The following SLC26A7 variants were observed in gnomAD, a reference collection of about 807,000 sequenced individuals.
SLC26A7 encodes solute carrier family 26 member 7.
SLC26A7 carries 59 observed loss-of-function variants against 82.5 expected under a neutral mutation model. The ratio of observed to expected loss-of-function variants is 0.72; its 90% confidence interval spans 0.58 to 0.89. The LOEUF (loss-of-function observed/expected upper bound fraction) is 0.89. SLC26A7 is among the 40% of genes least tolerant of loss of function. The pLI is 0.00. For synonymous variants in SLC26A7, 271 were observed against 274.3 expected (o/e 0.99, Z 0.12); for missense variants, 820 against 793.0 (o/e 1.03, Z -0.41).
chr8:91,353,235 A>G (rs1813769935), intron 11 of SLC26A7, among the ~76,000 whole-genome samples: 1 of 152,168 alleles, frequency 6.6e-6, no homozygotes, highest in Non-Finnish European at 1.5e-5. Context: ...GAACTTTTAA[A>G]GAAATGCTAA....
chr8:91,333,715 C>T (rs1034840545), intron 5 of SLC26A7, among the ~76,000 whole-genome samples: 1 of 152,112 alleles, frequency 6.6e-6, no homozygotes, highest in South Asian at 2.1e-4. Flanking sequence ...TACTGAGCAA[C>T]GTCTCAATTT....
At position 91,334,356 on chromosome 8, in the gene SLC26A7, T is replaced by C. The variant is rs915578075; in HGVS notation, c.704T>C (p.Leu235Ser). Residue 235 changes from leucine to serine, a missense_variant, in exon 6 of 19, where the codon TTG becomes TCG. Leu to Ser is a moderately radical substitution (Grantham distance 145). Transcript: ENST00000276609. Reference sequence around the variant, plus strand: ...CGACTGGAAGCATTGCTTTTATCCTTGCTGAGCATTGTGGTCCTTGTTCTT... The same window carrying C: ...CGACTGGAAGCATTGCTTTTATCCTCGCTGAGCATTGTGGTCCTTGTTCTT... ...SVRLEALLLSLLSIVVLVLVK... is the reference protein window; with the variant it reads ...SVRLEALLLSSLSIVVLVLVK... 9.3e-6 allele frequency: 15 copies of C among 1,613,462 alleles called. No individual in the cohort carries two copies. Among genetic ancestry groups the C allele is most frequent in the Admixed American group, 5.0e-5 (3 of 59,968 alleles).
intron 15 of SLC26A7, among the ~76,000 whole-genome samples, chr8:91,376,016 A>G (rs1383985595): frequency 6.6e-6 from 1 of 151,796 alleles, no homozygotes; most frequent in East Asian, 1.9e-4. Context: ...TTTTTTTTCT[A>G]GTATATTATT....
At position 91,369,733 on chromosome 8, in the gene SLC26A7, C is replaced by T. The variant is rs932497175; in HGVS notation, c.1627-52C>T. 21 of 1,321,338 alleles carry T rather than the reference C, an allele frequency of 1.6e-5. No homozygotes were observed. In the African/African-American group the frequency reaches 2.3e-4, roughly 14 times the overall value. 81.9% of individuals were successfully genotyped at this position (1,321,338 alleles called of 1,614,324 possible). A position where few individuals can be genotyped will look rare whatever the true frequency, so the allele number is the denominator to read the frequency against. Reference sequence around the variant, plus strand: ...AAAGAATTATGTGATTTTTTTCAGACAGAAGTAAAATTTTATAACATTTTT... The same window carrying T: ...AAAGAATTATGTGATTTTTTTCAGATAGAAGTAAAATTTTATAACATTTTT... On this transcript the variant is annotated intron_variant, in intron 14 of 18. Transcript: ENST00000276609.
chr8:91,350,262 C>A (rs1450280522), intron 9 of SLC26A7, among the ~76,000 whole-genome samples: 1 of 152,002 alleles, frequency 6.6e-6, no homozygotes, highest in Admixed American at 6.6e-5. Flanking sequence ...TATACACACA[C>A]CTTTTAATAG....
chr8:91,267,515 C>T (rs2130728146), intron 2 of SLC26A7, among the ~76,000 whole-genome samples: 1 of 151,900 alleles, frequency 6.6e-6, no homozygotes, highest in Non-Finnish European at 1.5e-5. Context: ...GACATTTATC[C>T]ATTTCTTCCA....
chr8:91,246,893 G>A (rs1810552332), upstream of SLC26A7, among the ~76,000 whole-genome samples: 1 of 152,190 alleles, frequency 6.6e-6, no homozygotes, highest in South Asian at 2.1e-4. Flanking sequence ...TCTGCCTTGA[G>A]TTAGTTATAC....
chr8:91,377,329 C>T lies in SLC26A7; in HGVS notation c.1675+7496C>T, dbSNP rs144735846. ...CTTTCAGTGATTGGTACCACATCTA[C>T]GTTTCCTTTGTCCCAGGGGGGCTTT... On this transcript the variant is annotated intron_variant, in intron 15 of 18. Coordinates refer to ENST00000276609, the MANE Select transcript of SLC26A7 (RefSeq NM_052832.4). 6.9e-4 allele frequency among the ~76,000 whole-genome samples: 105 copies of T among 152,256 alleles called. No homozygotes were observed. In the Middle Eastern group the frequency reaches 0.014, roughly 20 times the overall value.
intron 11 of SLC26A7, among the ~76,000 whole-genome samples, chr8:91,358,159 G>A (rs531610802): frequency 6.0e-4 from 91 of 152,246 alleles, no homozygotes; most frequent in Admixed American, 1.2e-3. Flanking sequence ...TACACTGTTG[G>A]TGGGACTGTA....
intron 10 of SLC26A7, among the ~76,000 whole-genome samples, 179 bp from the exon 11 acceptor site, chr8:91,352,722 C>G (rs1236407175): frequency 6.6e-6 from 1 of 151,764 alleles, no homozygotes; most frequent in Non-Finnish European, 1.5e-5. Context: ...ATATTATATT[C>G]CTAAAGTGCA....
chr8:91,309,451 A>C (rs1372134032), intron 4 of SLC26A7, among the ~76,000 whole-genome samples: 1 of 151,368 alleles, frequency 6.6e-6, no homozygotes, highest in Admixed American at 6.6e-5. Context: ...GGCTCCTAAC[A>C]CTCACCATCC....
At chr8:91,316,451 A>T (rs1235978455) in intron 4 of SLC26A7, among the ~76,000 whole-genome samples, 20 of 34,420 alleles carry the variant, frequency 5.8e-4, no homozygotes, top group Non-Finnish European at 8.5e-4. Context: ...CTCAACACTA[A>T]TTTTTTTTTT....
At chr8:91,340,994 T>C (rs1042255587) in intron 8 of SLC26A7, among the ~76,000 whole-genome samples, 20 of 152,198 alleles carry the variant, frequency 1.3e-4, no homozygotes, top group African/African-American at 4.6e-4. Flanking sequence ...GTTTCTTTTT[T>C]TTTTTTTATA....
chr8:91,242,232 AAACAT>A (rs1313580511), intron 2 of SLC26A7, among the ~76,000 whole-genome samples: 4 of 152,348 alleles, frequency 2.6e-5, no homozygotes, highest in Middle Eastern at 3.4e-3. Flanking sequence ...TGACTGCTGA[AAACAT>A]AACATATTTG....
chr8:91,341,176 C>T (rs185153287), intron 8 of SLC26A7, among the ~76,000 whole-genome samples: 59 of 151,882 alleles, frequency 3.9e-4, no homozygotes, highest in African/African-American at 1.2e-3. Flanking sequence ...TGTGATATTC[C>T]GCTTCCTGTG....
At position 91,306,300 on chromosome 8, in the gene SLC26A7, G is replaced by A. The variant is rs565497816; in HGVS notation, c.477+10597G>A. On this transcript the variant is annotated intron_variant, in intron 4 of 18. Coordinates refer to ENST00000276609, the MANE Select transcript of SLC26A7 (RefSeq NM_052832.4). Reference sequence around the variant, plus strand: ...TGTTCTATTTCTCTCTTTTGTATGCGTGGTTTATATTTTTGTCTTGGTGTG... The same window carrying A: ...TGTTCTATTTCTCTCTTTTGTATGCATGGTTTATATTTTTGTCTTGGTGTG... 5.3e-5 allele frequency among the ~76,000 whole-genome samples: 8 copies of A among 152,062 alleles called. No individual in the cohort carries two copies. The East Asian group carries it at 7.7e-4, about 15-fold the overall frequency.
chr8:91,363,941 G>GTTTTTTTTTTTTTTTTTTTTTTTTTTTT (rs5893169), intron 13 of SLC26A7, among the ~76,000 whole-genome samples: 1 of 135,692 alleles, frequency 7.4e-6, no homozygotes. Flanking sequence ...TCATGGTATT[G>GTTTTTTTTTTTTTTTTTTTTTTTTTTTT]TTTTTTTTTT....
rs1808601698 is a variant in SLC26A7 at position 91,397,465 on chromosome 8, T to G, written c.*2368T>G. ...TTTTATATATGACAAACTACTTCTA[T>G]AATGCTTATTATGGTAAAATAAAAT... On this transcript the variant is annotated 3_prime_UTR_variant, in exon 19 of 19. Transcript: ENST00000276609. The G allele has an allele frequency of 6.6e-6, 1 of 152,570 alleles. No homozygotes were observed. The highest frequency in any genetic ancestry group is 1.5e-5 in the Non-Finnish European group (1 of 67,980). The allele number at this position is 152,570 out of a possible 1,614,324, so 9.5% of individuals were successfully genotyped here. A position where few individuals can be genotyped will look rare whatever the true frequency, so the allele number is the denominator to read the frequency against.
rs1181492648 is a variant in SLC26A7, at chr8:91,249,719, A to C, written c.68A>C (p.Asp23Ala). The change falls in exon 2 of 19, where the codon GAC (aspartate) becomes GCC (alanine). Residue 23 changes from aspartate to alanine, a missense_variant. Coordinates refer to ENST00000276609, the MANE Select transcript of SLC26A7 (RefSeq NM_052832.4). The part of the protein sequence containing the change: ...WSKMHTPQCE[D>A]IIQWCRRRLP... ...AAGATGCATACCCCCCAGTGTGAAG[A>C]CATTATACAGTGGTGTAGAAGGCGA... The C allele has an allele frequency of 6.2e-7, 1 of 1,605,884 alleles. No homozygotes were observed. The highest frequency in any genetic ancestry group is 1.7e-5 in the Admixed American group (1 of 58,692).
Sources: allele counts gnomAD v4.1 joint callset (sites outside exome capture counted in the v4.1 genomes callset), GRCh38; gene constraint gnomAD v4.1.1; transcripts MANE v1.5; gene names NCBI Gene and HGNC (gene_info 2026-07-23, HGNC 2026-07-21).